Variants in YWHAZ observed in about 807,000 individuals in gnomAD.
YWHAZ encodes 14-3-3 protein zeta/delta.
For synonymous variants in YWHAZ, 87 were observed against 103.6 expected, an observed-to-expected ratio of 0.84 and a Z score of 0.97; for missense variants, 79 against 284.8, an observed-to-expected ratio of 0.28 and a Z score of 5.20.
intron 2 of YWHAZ, among the ~76,000 whole-genome samples, chr8:100,942,817 A>G (rs1809972046): frequency 6.6e-6 from 1 of 152,238 alleles, no homozygotes; most frequent in South Asian, 2.1e-4. Context: ...TAAGAAATAC[A>G]TGCAACATAG....
chr8:100,947,840 A>G (rs1249225367), intron 2 of YWHAZ, among the ~76,000 whole-genome samples: 4 of 152,230 alleles, frequency 2.6e-5, no homozygotes, highest in Non-Finnish European at 4.4e-5. Context: ...TATTATTCCA[A>G]AAACTGCCAG....
chr8:100,937,377 A>T (rs1038321934), intron 2 of YWHAZ, among the ~76,000 whole-genome samples: 2 of 152,166 alleles, frequency 1.3e-5, no homozygotes, highest in African/African-American at 4.8e-5. Flanking sequence ...TGTAAAGAAA[A>T]ATATGTGGGG....
At chr8:100,931,864 A>G (rs1677775715) in intron 2 of YWHAZ, among the ~76,000 whole-genome samples, 2 of 152,240 alleles carry the variant, frequency 1.3e-5, no homozygotes, top group African/African-American at 4.8e-5. Context: ...AAAATGGTGA[A>G]GTAGGATGCA....
intron 2 of YWHAZ, among the ~76,000 whole-genome samples, chr8:100,930,555 G>GT (rs1303488679): frequency 6.6e-6 from 1 of 152,210 alleles, no homozygotes; most frequent in African/African-American, 2.4e-5. Context: ...AAGGCTAAAT[G>GT]TTAATCTGTT....
At chr8:100,932,606 C>A (rs1813834507) in intron 2 of YWHAZ, among the ~76,000 whole-genome samples, 1 of 152,148 alleles carries the variant, frequency 6.6e-6, no homozygotes, top group Non-Finnish European at 1.5e-5. Context: ...TCAAAAATAT[C>A]ATTTTCCCTT....
At chr8:100,944,282 G>A (rs996805276) in intron 2 of YWHAZ, among the ~76,000 whole-genome samples, 1 of 152,062 alleles carries the variant, frequency 6.6e-6, no homozygotes, top group African/African-American at 2.4e-5. Context: ...AGACTAAAAC[G>A]GACCCAAAGC....
At position 100,948,006 on chromosome 8, in the gene YWHAZ, G is replaced by T; in HGVS notation, c.294+590C>A. On this transcript the variant is annotated intron_variant, in intron 2 of 5. Coordinates refer to ENST00000395958, the MANE Select transcript of YWHAZ (RefSeq NM_145690.3). This position sits in a 1 kb window ranked among gnomAD's most constrained non-coding sequence, Gnocchi z 4.2. Reference sequence around the variant, plus strand: ...TAAGTACTGAATACTTAAAATACTCGATTCAAACTGGAAAATCAAGCTTGA... The same window carrying T: ...TAAGTACTGAATACTTAAAATACTCTATTCAAACTGGAAAATCAAGCTTGA... 2.6e-6 allele frequency: 3 copies of T among 1,164,212 alleles called. No homozygotes were observed. The highest frequency in any genetic ancestry group is 2.9e-5 in the South Asian group (2 of 69,806). 72.1% of individuals were successfully genotyped at this position (1,164,212 alleles called of 1,614,324 possible).
chr8:100,920,895 C>T (rs539708134), intron 5 of YWHAZ, 143 bp from the exon 6 acceptor site: 1 of 724,832 alleles, frequency 1.4e-6, no homozygotes, highest in East Asian at 2.6e-5. Context: ...CTTCAAGATA[C>T]AAAAACATCT....
intron 2 of YWHAZ, among the ~76,000 whole-genome samples, chr8:100,929,188 A>G (rs545581156): frequency 6.6e-6 from 1 of 151,188 alleles, no homozygotes; most frequent in Admixed American, 6.6e-5. Context: ...GATATCCATC[A>G]CCTCAAACAT....
In YWHAZ at chr8:100,941,762, A is replaced by G. The variant is rs541753381; in HGVS notation, c.294+6834T>C. On this transcript the variant is annotated intron_variant, in intron 2 of 5. Transcript: ENST00000395958. Reference sequence around the variant, plus strand: ...ATTGTGCCACTGCACTCCAGCCTGGACGACAAGGTGAGACTGCTATCTCAG... The same window carrying G: ...ATTGTGCCACTGCACTCCAGCCTGGGCGACAAGGTGAGACTGCTATCTCAG... 4.0e-5 allele frequency among the ~76,000 whole-genome samples: 6 copies of G among 151,756 alleles called. No individual in the cohort carries two copies. The East Asian group carries it at 1.2e-3, about 29-fold the overall frequency.
At chr8:100,936,021 A>G (rs1387489384) in intron 2 of YWHAZ, among the ~76,000 whole-genome samples, 1 of 152,206 alleles carries the variant, frequency 6.6e-6, no homozygotes, top group Non-Finnish European at 1.5e-5. Context: ...AATTATGAAC[A>G]AGAACTCAAT....
chr8:100,948,513 A>C lies in YWHAZ; in HGVS notation c.294+83T>G. ...CACAATGTTTAGAAGGAAAAGAAAA[A>C]CCAAACAAAAAGTTAAGAGTAATGT... On this transcript the variant is annotated intron_variant, in intron 2 of 5. Coordinates refer to ENST00000395958, the MANE Select transcript of YWHAZ (RefSeq NM_145690.3). The surrounding 1 kb of genome is among the most constrained non-coding windows in gnomAD (Gnocchi z 4.2). 6.9e-7 allele frequency: 1 copy of C among 1,448,722 alleles called. No homozygotes were observed. The highest frequency in any genetic ancestry group is 2.6e-4 in the Middle Eastern group (1 of 3,890). 89.7% of individuals were successfully genotyped at this position (1,448,722 alleles called of 1,614,324 possible). A position where few individuals can be genotyped will look rare whatever the true frequency, so the allele number is the denominator to read the frequency against.
At chr8:100,927,520 T>C (rs1813447419) in intron 2 of YWHAZ, among the ~76,000 whole-genome samples, 1 of 152,204 alleles carries the variant, frequency 6.6e-6, no homozygotes, top group Admixed American at 6.5e-5. Flanking sequence ...ACAGTGAGGC[T>C]GTCTCAAAAA....
chr8:100,926,511 A>G (rs1813373163), intron 2 of YWHAZ, among the ~76,000 whole-genome samples: 1 of 152,124 alleles, frequency 6.6e-6, no homozygotes, highest in African/African-American at 2.4e-5. Flanking sequence ...GGCGCCTGTA[A>G]TCCCAGCTGA....
intron 2 of YWHAZ, among the ~76,000 whole-genome samples, chr8:100,927,585 T>C (rs1416200465): frequency 2.6e-5 from 4 of 152,166 alleles, no homozygotes; most frequent in Non-Finnish European, 4.4e-5. Flanking sequence ...ACCCCCTCTA[T>C]GTATGCAGAG....
At position 100,924,482 on chromosome 8, in the gene YWHAZ, T is replaced by C. The variant is rs948492929; in HGVS notation, c.419-184A>G. On this transcript the variant is annotated intron_variant, in intron 3 of 5. Transcript: ENST00000395958. This position sits in a 1 kb window ranked among gnomAD's most constrained non-coding sequence, Gnocchi z 5.7. The stretch of plus-strand genomic sequence containing the variant: ...CTTTCTCCTGGTACACACTAGCCAT[T>C]GATCAATGTCAAGATAAAACAACTT... Among the ~76,000 whole-genome samples the C allele has an allele frequency of 6.6e-6, 1 of 152,092 alleles. No homozygotes were observed. The highest frequency in any genetic ancestry group is 2.4e-5 in the African/African-American group (1 of 41,416).
intron 2 of YWHAZ, among the ~76,000 whole-genome samples, chr8:100,939,169 CAA>C (rs1003847674): frequency 3.9e-5 from 6 of 152,022 alleles, no homozygotes; most frequent in Non-Finnish European, 8.8e-5. Flanking sequence ...TACCCCAAAA[CAA>C]AAGATACCTA....
At chr8:100,951,074 A>G (rs563042804) in intron 1 of YWHAZ, 11 of 810,328 alleles carry the variant, frequency 1.4e-5, no homozygotes, top group Middle Eastern at 6.2e-4. Context: ...AGGAGCAAAA[A>G]AAGTCAGACC....
At position 100,923,958 on chromosome 8, in the gene YWHAZ, C is replaced by T; in HGVS notation, c.675G>A (p.Leu225=). ...AATGATGCTGTTATGTACTTACTGT[C>T]AAGTTGTCTCTCAGTAATTGCATTA... ...TLIMQLLRDN[L]TLWTSDTQGD... Residue 225 remains leucine, a synonymous_variant, in exon 5 of 6, where the codon TTG becomes TTA. Transcript: ENST00000395958. 1.2e-6 allele frequency: 2 copies of T among 1,610,836 alleles called. No individual in the cohort carries two copies. Among genetic ancestry groups the T allele is most frequent in the Non-Finnish European group, 1.7e-6 (2 of 1,178,892 alleles).
Sources: allele counts gnomAD v4.1 joint callset (sites outside exome capture counted in the v4.1 genomes callset), GRCh38; gene constraint gnomAD v4.1.1; non-coding constraint Gnocchi (gnomAD v3.1); transcripts MANE v1.5; gene names NCBI Gene and HGNC (gene_info 2026-07-23, HGNC 2026-07-21).